Variants in NFATC1 observed in about 807,000 individuals in gnomAD.
NFATC1 encodes the protein nuclear factor of activated T-cells, cytoplasmic 1.
A neutral mutation model predicts 76.0 loss-of-function variants in NFATC1; 22 were observed. That is an observed-to-expected ratio of 0.29 (90% CI 0.21 to 0.41). The LOEUF (loss-of-function observed/expected upper bound fraction) is 0.41, where lower values mean the gene tolerates loss of function less well. Ranked by LOEUF, NFATC1 falls within the 10% of genes least tolerant of loss-of-function variation. NFATC1 has a pLI of 1.00. For missense variants in NFATC1, 1,357 were observed against 1,337.7 expected (o/e 1.01, Z -0.23); for synonymous variants, 704 against 613.1 (o/e 1.15, Z -2.19).
At chr18:79,423,005 T>G (rs1600663952) in intron 2 of NFATC1, among the ~76,000 whole-genome samples, 2 of 141,706 alleles carry the variant, frequency 1.4e-5, no homozygotes, top group Non-Finnish European at 3.1e-5. Context: ...GATAGAGGGG[T>G]GGGGACAGTG....
chr18:79,517,659 G>A (rs193043683), intron 9 of NFATC1, among the ~76,000 whole-genome samples: 228 of 152,340 alleles, frequency 1.5e-3, no homozygotes, highest in Middle Eastern at 3.4e-3. Context: ...CCTGCAGGAC[G>A]TTCTGATGTC....
chr18:79,405,525 G>A (rs1308420276), intron 1 of NFATC1, among the ~76,000 whole-genome samples: 3 of 152,236 alleles, frequency 2.0e-5, no homozygotes, highest in Non-Finnish European at 4.4e-5. Context: ...CAAATTCATT[G>A]GGAGCTGGGA....
intron 1 of NFATC1, among the ~76,000 whole-genome samples, chr18:79,396,659 G>A (rs983150489): frequency 5.4e-4 from 82 of 152,348 alleles, no homozygotes; most frequent in Non-Finnish European, 8.8e-5. Flanking sequence ...GGGGACGGGC[G>A]AGGCTGGGCC....
At chr18:79,439,847 G>A (rs1334375695) in intron 3 of NFATC1, among the ~76,000 whole-genome samples, 1 of 152,228 alleles carries the variant, frequency 6.6e-6, no homozygotes, top group Non-Finnish European at 1.5e-5. Flanking sequence ...CTGGGAAGGT[G>A]TTCACGGGGC....
rs929724437 is a variant in NFATC1 at position 79,469,812 on chromosome 18, A to C, written c.2092+2230A>C. Reference sequence around the variant, plus strand: ...CCAGGTCCCCACAAGCACACTGACCAGCCCCACCAGCCCCCAGGGGCTCCC... The same window carrying C: ...CCAGGTCCCCACAAGCACACTGACCCGCCCCACCAGCCCCCAGGGGCTCCC... On this transcript the variant is annotated intron_variant, in intron 8 of 9. Transcript: ENST00000427363. 3.0e-6 allele frequency: 3 copies of C among 985,160 alleles called. No homozygotes were observed. The African/African-American group carries it at 5.3e-5, about 17-fold the overall frequency. The allele number at this position is 985,160 out of a possible 1,614,324, so 61.0% of individuals were successfully genotyped here.
intron 1 of NFATC1, among the ~76,000 whole-genome samples, chr18:79,406,196 C>A (rs1052987852): frequency 2.6e-5 from 4 of 152,224 alleles, no homozygotes; most frequent in Non-Finnish European, 4.4e-5. Flanking sequence ...TTCAGAATTA[C>A]CTTTCTACCA....
At chr18:79,487,257 T>A (rs1274480331) in intron 9 of NFATC1, among the ~76,000 whole-genome samples, 1 of 152,096 alleles carries the variant, frequency 6.6e-6, no homozygotes, top group East Asian at 1.9e-4. Flanking sequence ...TGCAGCTGAA[T>A]ATGGAGCCGC....
intron 8 of NFATC1, among the ~76,000 whole-genome samples, chr18:79,473,598 AGGG>A (rs2088882122): frequency 7.3e-6 from 1 of 136,660 alleles, no homozygotes; most frequent in African/African-American, 2.9e-5. Flanking sequence ...TGTAAACCTG[AGGG>A]AAGCGTGTTC....
chr18:79,506,260 G>A (rs982841528), intron 9 of NFATC1, among the ~76,000 whole-genome samples: 11 of 152,132 alleles, frequency 7.2e-5, no homozygotes, highest in Non-Finnish European at 1.5e-4. Context: ...CAGTGGTCTC[G>A]GCCGAGCAGC....
At chr18:79,416,298 G>A (rs945931884) in intron 2 of NFATC1, among the ~76,000 whole-genome samples, 31 of 152,154 alleles carry the variant, frequency 2.0e-4, no homozygotes, top group African/African-American at 7.0e-4. Context: ...CTTCTCTTTC[G>A]CAGACACGAG....
At chr18:79,401,898 G>A (rs545572232) in intron 1 of NFATC1, among the ~76,000 whole-genome samples, 3 of 152,234 alleles carry the variant, frequency 2.0e-5, no homozygotes, top group Non-Finnish European at 1.5e-5. Flanking sequence ...AGAGGCCCAG[G>A]GGGCCTGCAG....
chr18:79,448,763 T>C lies in NFATC1; in HGVS notation c.1387-19T>C. On this transcript the variant is annotated intron_variant, in intron 3 of 9. Coordinates refer to ENST00000427363, the MANE Select transcript of NFATC1 (RefSeq NM_001278669.2). ...CTGTGCTCTGGGTGCTGAGCAGGTG[T>C]TTTCTGTTCTCTCGCCAGCTGCATG... 2 of 1,609,638 alleles carry C rather than the reference T, an allele frequency of 1.2e-6. No individual in the cohort carries two copies. Among genetic ancestry groups the C allele is most frequent in the Non-Finnish European group, 1.7e-6 (2 of 1,177,520 alleles).
chr18:79,424,741 GTGTC>G (rs1056813539), intron 2 of NFATC1, among the ~76,000 whole-genome samples: 5 of 141,810 alleles, frequency 3.5e-5, no homozygotes, highest in African/African-American at 1.3e-4. Flanking sequence ...GTCTCTGTCT[GTGTC>G]TGTCCCTGTC....
At chr18:79,472,711 A>G (rs2088835782) in intron 8 of NFATC1, among the ~76,000 whole-genome samples, 1 of 152,080 alleles carries the variant, frequency 6.6e-6, no homozygotes, top group Non-Finnish European at 1.5e-5. Context: ...TGCAGAGTAA[A>G]CCTGCCCACC....
chr18:79,426,452 C>G (rs145168024), intron 2 of NFATC1, among the ~76,000 whole-genome samples: 38 of 152,294 alleles, frequency 2.5e-4, no homozygotes, highest in African/African-American at 7.7e-4. Context: ...TCCACCGCAG[C>G]GTGAGGACAG....
intron 6 of NFATC1, among the ~76,000 whole-genome samples, chr18:79,457,611 G>A (rs1453207269): frequency 2.0e-5 from 3 of 152,192 alleles, no homozygotes; most frequent in Admixed American, 2.0e-4. Context: ...GTATAATTCG[G>A]TGGGTTTTGG....
chr18:79,521,888 G>A (rs1157359110), intron 9 of NFATC1, among the ~76,000 whole-genome samples: 2 of 87,894 alleles, frequency 2.3e-5, no homozygotes, highest in African/African-American at 9.4e-5. Flanking sequence ...TGTGGGGGGG[G>A]CATCCACTGA....
intron 8 of NFATC1, among the ~76,000 whole-genome samples, chr18:79,484,536 C>T (rs554696132): frequency 2.0e-5 from 3 of 151,748 alleles, no homozygotes; most frequent in Admixed American, 1.3e-4. Flanking sequence ...TCGATCTCCC[C>T]ACTCAGTGTG....
At chr18:79,408,112 C>T (rs1161221357) in intron 1 of NFATC1, among the ~76,000 whole-genome samples, 1 of 152,214 alleles carries the variant, frequency 6.6e-6, no homozygotes, top group Non-Finnish European at 1.5e-5. Context: ...TGTTTCCCAC[C>T]TACCTGGGGC....
Sources: allele counts gnomAD v4.1 joint callset (sites outside exome capture counted in the v4.1 genomes callset), GRCh38; gene constraint gnomAD v4.1.1; transcripts MANE v1.5; gene names NCBI Gene and HGNC (gene_info 2026-07-23, HGNC 2026-07-21).